ADCK5: variants seen among roughly 807,000 people sequenced by gnomAD.
ADCK5 encodes uncharacterized aarF domain-containing protein kinase 5.
ADCK5 carries 43 observed loss-of-function variants against 64.9 expected under a neutral mutation model. That is an observed-to-expected ratio of 0.66 (90% CI 0.52 to 0.85). The LOEUF is 0.85. Ranked by LOEUF, ADCK5 falls within the 40% of genes least tolerant of loss-of-function variation. The pLI is 0.00. For missense variants in ADCK5, 760 were observed against 810.5 expected, an observed-to-expected ratio of 0.94 and a Z score of 0.76; for synonymous variants, 434 against 342.8, an observed-to-expected ratio of 1.27 and a Z score of -2.94.
chr8:144,391,988 C>G lies in ADCK5; in HGVS notation c.1062C>G (p.Thr354=), dbSNP rs782303697. Residue 354 remains threonine (T), a synonymous_variant, in exon 10 of 15, where the codon ACC becomes ACG. Coordinates refer to ENST00000308860, the MANE Select transcript of ADCK5 (RefSeq NM_174922.5). ...IKAFAEQIFY[T]GFIHSDPHPG... ...CCTTTGCTGAGCAGATATTTTACACCGGCTTCATCCACTCGGACCCACATC... is the reference window on the plus strand; with the variant it reads ...CCTTTGCTGAGCAGATATTTTACACGGGCTTCATCCACTCGGACCCACATC... 6.2e-7 allele frequency: 1 copy of G among 1,612,730 alleles called. No individual in the cohort carries two copies. The highest frequency in any genetic ancestry group is 8.5e-7 in the Non-Finnish European group (1 of 1,179,976).
chr8:144,392,211 C>T, intron 11 of ADCK5, 41 bp downstream of exon 11: 9 of 1,548,632 alleles, frequency 5.8e-6, no homozygotes, highest in Non-Finnish European at 7.8e-6. Flanking sequence ...GCAAGCCTCT[C>T]CTGCCGCAGG....
At chr8:144,386,898 G>C (rs1391647400) in intron 3 of ADCK5, among the ~76,000 whole-genome samples, 1 of 152,242 alleles carries the variant, frequency 6.6e-6, no homozygotes, top group African/African-American at 2.4e-5. Flanking sequence ...AAGGGACAAA[G>C]GTCAGTCCTC....
rs375841571 is a variant in ADCK5 at position 144,390,903 on chromosome 8, G to T, written c.390G>T (p.Ala130=). Residue 130 remains alanine, a synonymous_variant, in exon 5 of 15, where the codon GCG becomes GCT. Transcript: ENST00000308860. ...LEVMSACHQR[A]ADALVAGAIS... is the part of the protein sequence containing the mutation. ...TGATGTCTGCGTGTCACCAGCGGGC[G>T]GCTGATGCCCTGGTGGCAGGGGCCA... 1 of 1,612,858 alleles carries T rather than the reference G, an allele frequency of 6.2e-7. No homozygotes were observed. Among genetic ancestry groups the T allele is most frequent in the East Asian group, 2.2e-5 (1 of 44,882 alleles).
At chr8:144,385,872 G>A (rs1819897849) in intron 3 of ADCK5, among the ~76,000 whole-genome samples, 2 of 150,394 alleles carry the variant, frequency 1.3e-5, no homozygotes, top group African/African-American at 2.4e-5. Flanking sequence ...GCTGAGGCAG[G>A]AGAATGGCGT....
chr8:144,383,222 C>G lies in ADCK5; in HGVS notation c.258C>G (p.Arg86=). The part of the protein sequence containing the change: ...RMRLVVDGMG[R]FGRSLKVGLQ... ...GGCTCGTGGTGGATGGCATGGGGCG[C>G]TTTGGCAGGTAGGAGGGCCTGGCGG... The change falls in exon 3 of 15, where the codon CGC becomes CGG. Residue 86 remains arginine (R), a synonymous_variant. Transcript: ENST00000308860. 6.3e-7 allele frequency: 1 copy of G among 1,577,924 alleles called. No homozygotes were observed. The highest frequency in any genetic ancestry group is 2.3e-5 in the East Asian group (1 of 43,792).
At chr8:144,383,292 G>C in intron 3 of ADCK5, 62 bp downstream of exon 3, 2 of 1,473,938 alleles carry the variant, frequency 1.4e-6, no homozygotes, top group Non-Finnish European at 1.8e-6. Context: ...TGCGGTGCAG[G>C]ATTGCCTGCT....
chr8:144,377,923 G>A (rs1465675878), intron 1 of ADCK5, among the ~76,000 whole-genome samples: 1 of 152,214 alleles, frequency 6.6e-6, no homozygotes, highest in Non-Finnish European at 1.5e-5. Flanking sequence ...CTCAGCAGCA[G>A]GAAATAGTAA....
chr8:144,381,350 C>T (rs1272019946), intron 2 of ADCK5, among the ~76,000 whole-genome samples: 1 of 142,358 alleles, frequency 7.0e-6, no homozygotes, highest in South Asian at 2.2e-4. Context: ...AGGCACCTCC[C>T]GCAGTCAGAA....
chr8:144,379,465 A>G lies in ADCK5; in HGVS notation c.91A>G (p.Arg31Gly), dbSNP rs782287690. ...PWPSPAVFFR[R>G]NVRGLPPRFS... ...GCCGTCCCCTGCTGTGTTCTTCAGG[A>G]GAAACGTCAGGGGCCTTCCTCCAAG... The change falls in exon 2 of 15, where the codon AGA becomes GGA. Residue 31 changes from arginine (R) to glycine (G), a missense_variant. Transcript: ENST00000308860. The G allele has an allele frequency of 6.2e-7, 1 of 1,607,682 alleles. No homozygotes were observed. The highest frequency in any genetic ancestry group is 1.7e-5 in the Admixed American group (1 of 59,588).
At chr8:144,379,524 C>T (rs782208653) in intron 2 of ADCK5, 34 bp downstream of exon 2, 1 of 1,519,980 alleles carries the variant, frequency 6.6e-7, no homozygotes, top group South Asian at 1.2e-5. Context: ...CGCCTCTCAC[C>T]CAGGCAGGCA....
In ADCK5 at chr8:144,392,902, C is replaced by G. The variant is rs570128839; in HGVS notation, c.1637+10C>G. The G allele has an allele frequency of 6.3e-7, 1 of 1,599,456 alleles. No homozygotes were observed. Among genetic ancestry groups the G allele is most frequent in the Non-Finnish European group, 8.5e-7 (1 of 1,175,772 alleles). ...TTGAAGTGGCGCTCAGGTGAGTGGC[C>G]GCGGGGCAGGTGGGTGGCGGGGGCC... On this transcript the variant is annotated intron_variant, in intron 14 of 14. Coordinates refer to ENST00000308860, the MANE Select transcript of ADCK5 (RefSeq NM_174922.5).
chr8:144,391,601 C>T lies in ADCK5; in HGVS notation c.820C>T (p.Gln274Ter), dbSNP rs962517778. 1.9e-6 allele frequency: 3 copies of T among 1,574,882 alleles called. No homozygotes were observed. The highest frequency in any genetic ancestry group is 2.6e-6 in the Non-Finnish European group (3 of 1,165,686). Residue 274 changes from glutamine to a stop codon, truncating the protein, a stop_gained, in exon 8 of 15, where the codon CAG becomes TAG. Transcript: ENST00000308860. LOFTEE classifies it high-confidence loss of function. ...CCAGGACCTGAAGGGGACCCTGGCCCAGGAGCTGGACTTCGAGAATGAGGG... is the reference window on the plus strand; with the variant it reads ...CCAGGACCTGAAGGGGACCCTGGCCTAGGAGCTGGACTTCGAGAATGAGGG... ...VLQDLKGTLA[Q>*]ELDFENEGRN...
In ADCK5 at chr8:144,391,678, G is replaced by C; in HGVS notation, c.897G>C (p.Val299=). ...AGCTGGCGCACTTCCCCTACGTCGT[G>C]GTGCCCCGCGTGCACTGGGACAAGT... The part of the protein sequence containing the change: ...ARELAHFPYV[V]VPRVHWDKSS... Residue 299 remains valine, a synonymous_variant, in exon 8 of 15, where the codon GTG becomes GTC. Coordinates refer to ENST00000308860, the MANE Select transcript of ADCK5 (RefSeq NM_174922.5). 3 of 1,541,608 alleles carry C rather than the reference G, an allele frequency of 1.9e-6. No individual in the cohort carries two copies. Among genetic ancestry groups the C allele is most frequent in the Non-Finnish European group, 2.6e-6 (3 of 1,147,738 alleles).
chr8:144,393,002 C>A lies in ADCK5; in HGVS notation c.1671C>A (p.Leu557=). The stretch of plus-strand genomic sequence containing the variant: ...CCTTGGCCATGCGGCTGACCGCCCT[C>A]CTGGCTCGTGCTCTGGTCCACCTGA... ...LETLAMRLTA[L]LARALVHLSL... Residue 557 remains leucine (L), a synonymous_variant, in exon 15 of 15, where the codon CTC becomes CTA. Coordinates refer to ENST00000308860, the MANE Select transcript of ADCK5 (RefSeq NM_174922.5). 2 of 1,589,624 alleles carry A rather than the reference C, an allele frequency of 1.3e-6. No individual in the cohort carries two copies. The highest frequency in any genetic ancestry group is 2.3e-5 in the East Asian group (1 of 43,944).
intron 2 of ADCK5, 149 bp downstream of exon 2, chr8:144,379,639 G>A (rs1476052028): frequency 4.6e-6 from 3 of 659,168 alleles, no homozygotes; most frequent in African/African-American, 3.7e-5. Flanking sequence ...TCAGTGCGGT[G>A]CACTGGGACC....
chr8:144,391,281 G>A lies in ADCK5; in HGVS notation c.684+7G>A, dbSNP rs2130729340. On this transcript the variant is annotated splice_region_variant and intron_variant, in intron 6 of 14. Coordinates refer to ENST00000308860, the MANE Select transcript of ADCK5 (RefSeq NM_174922.5). ...CACCAGCGTGGCTGTGAAGGTATAT[G>A]GGGGCTGCCTTGTTCAGCAGTGGGC... is the stretch of plus-strand genomic sequence containing the variant. 2 of 1,612,338 alleles carry A rather than the reference G, an allele frequency of 1.2e-6. No individual in the cohort carries two copies. The highest frequency in any genetic ancestry group is 1.1e-5 in the South Asian group (1 of 91,090).
intron 3 of ADCK5, among the ~76,000 whole-genome samples, chr8:144,386,400 C>T (rs1819929805): frequency 6.6e-6 from 1 of 151,694 alleles, no homozygotes; most frequent in African/African-American, 2.4e-5. Flanking sequence ...TCTTGCTGCC[C>T]AGGCTGGAGT....
At chr8:144,378,305 C>T (rs11995759) in intron 1 of ADCK5, among the ~76,000 whole-genome samples, 10,768 of 152,136 alleles carry the variant, frequency 0.071, 439 homozygotes, top group African/African-American at 0.086. Flanking sequence ...ATCTGAGTCG[C>T]GATTCCCAGT....
chr8:144,387,558 C>A (rs995961735), intron 3 of ADCK5, among the ~76,000 whole-genome samples: 1 of 152,152 alleles, frequency 6.6e-6, no homozygotes, highest in Non-Finnish European at 1.5e-5. Flanking sequence ...CCTGCCACCA[C>A]ACCCAGCTAA....
Sources: allele counts gnomAD v4.1 joint callset (sites outside exome capture counted in the v4.1 genomes callset), GRCh38; gene constraint gnomAD v4.1.1; transcripts MANE v1.5; gene names NCBI Gene and HGNC (gene_info 2026-07-23, HGNC 2026-07-21).